MME: variants seen among roughly 807,000 people sequenced by gnomAD.
The protein encoded by MME is neprilysin.
A neutral mutation model predicts 113.2 loss-of-function variants in MME; 98 were observed. The observed-to-expected ratio is 0.87, with a 90% CI of 0.74 to 1.02. The LOEUF is 1.02. MME is among the 50% of genes least tolerant of loss of function. The pLI is 0.00. For synonymous variants in MME, 292 were observed against 300.6 expected (o/e 0.97, Z 0.30); for missense variants, 836 against 896.0 (o/e 0.93, Z 0.86).
chr3:155,085,219 C>T (rs560656440), intron 3 of MME, 125 bp downstream of exon 3: 2 of 590,640 alleles, frequency 3.4e-6, no homozygotes, highest in Admixed American at 3.2e-5. Flanking sequence ...ATGTGTCTGG[C>T]TCTATAATCA....
At chr3:155,174,129 A>G (rs1712267028) in intron 22 of MME, among the ~76,000 whole-genome samples, 1 of 152,106 alleles carries the variant, frequency 6.6e-6, no homozygotes, top group Non-Finnish European at 1.5e-5. Flanking sequence ...TATGTTCTGC[A>G]CATTTCAGAA....
chr3:155,154,117 G>T (rs945343039), intron 16 of MME, among the ~76,000 whole-genome samples: 1 of 152,130 alleles, frequency 6.6e-6, no homozygotes, highest in African/African-American at 2.4e-5. Context: ...GAGGTGAGCA[G>T]AGGATTCACA....
At chr3:155,040,938 A>G (rs564893319) in intron 1 of MME, among the ~76,000 whole-genome samples, 3 of 152,328 alleles carry the variant, frequency 2.0e-5, no homozygotes, top group African/African-American at 7.2e-5. Flanking sequence ...CATTAGAGAA[A>G]ATCTGTCACT....
At chr3:155,132,200 A>T (rs369836879) in intron 8 of MME, among the ~76,000 whole-genome samples, 1 of 152,334 alleles carries the variant, frequency 6.6e-6, no homozygotes, top group East Asian at 1.9e-4. Flanking sequence ...ATTGTCATTC[A>T]TTAGGAATGA....
At chr3:155,093,315 A>T (rs1488893513) in intron 3 of MME, among the ~76,000 whole-genome samples, 1 of 151,238 alleles carries the variant, frequency 6.6e-6, no homozygotes, top group African/African-American at 2.4e-5. Flanking sequence ...AAGTCTCTGG[A>T]AATAGTAAAT....
At chr3:155,158,831 C>T (rs567564170) in intron 16 of MME, 162 of 151,982 alleles carry the variant, frequency 1.1e-3, no homozygotes, top group African/African-American at 3.6e-3. Flanking sequence ...ATACTGATGA[C>T]TCGGCTGTAA....
At position 155,116,905 on chromosome 3, in the gene MME, GA is replaced by G; in HGVS notation, c.575del (p.Asn192IlefsTer22). On this transcript the variant is annotated frameshift_variant, in exon 7 of 23. Coordinates refer to ENST00000360490, the MANE Select transcript of MME (RefSeq NM_007289.4). LOFTEE classifies it high-confidence loss of function. The part of the protein sequence containing the change: ...WTAEKAIAQL[N>X]SKYGKKVLIN... ...CAGCTGAAAAAGCTATTGCACAACT[GA>G]ATTCTAAATATGGGAAAAAAGTCCT... 1 of 1,612,438 alleles carries G rather than the reference GA, an allele frequency of 6.2e-7. No homozygotes were observed. Among genetic ancestry groups the G allele is most frequent in the Non-Finnish European group, 8.5e-7 (1 of 1,178,824 alleles).
intron 8 of MME, among the ~76,000 whole-genome samples, chr3:155,137,338 A>T (rs1389876920): frequency 6.6e-6 from 1 of 152,212 alleles, no homozygotes; most frequent in East Asian, 1.9e-4. Flanking sequence ...AAGTGTGATT[A>T]TATTATATGA....
rs748733749 is a variant in MME at position 155,160,379 on chromosome 3, G to C, written c.1602-11G>C. ...AGTATCATTTGTAAAGAGTTCTTAT[G>C]TTTTCTACAGGTGGATAAGTGGAGC... On this transcript the variant is annotated splice_polypyrimidine_tract_variant and intron_variant, in intron 16 of 22. Transcript: ENST00000360490. 1 of 1,596,414 alleles carries C rather than the reference G, an allele frequency of 6.3e-7. No homozygotes were observed. Among genetic ancestry groups the C allele is most frequent in the East Asian group, 2.2e-5 (1 of 44,686 alleles).
intron 3 of MME, among the ~76,000 whole-genome samples, chr3:155,100,334 A>T (rs949732470): frequency 6.6e-6 from 1 of 152,098 alleles, no homozygotes; most frequent in East Asian, 1.9e-4. Context: ...GAGAAATGCA[A>T]ATCAAAACCA....
At chr3:155,172,029 A>T in intron 20 of MME, 88 bp from the exon 21 acceptor site, 1 of 775,170 alleles carries the variant, frequency 1.3e-6, no homozygotes, top group Non-Finnish European at 2.2e-6. Context: ...ATAAAATGTT[A>T]ATTACTTGGT....
chr3:155,170,862 G>A (rs1351034775), intron 20 of MME, among the ~76,000 whole-genome samples: 2 of 152,054 alleles, frequency 1.3e-5, no homozygotes, highest in Admixed American at 6.6e-5. Flanking sequence ...CAGCAGTCAT[G>A]GGACTCACTG....
At chr3:155,079,267 A>T (rs1161618705), upstream of MME, among the ~76,000 whole-genome samples, 2 of 152,086 alleles carry the variant, frequency 1.3e-5, no homozygotes, top group African/African-American at 4.8e-5. Context: ...GCTTGGATTC[A>T]GGGAGGAAAG....
At chr3:155,108,955 C>T (rs923379707) in intron 3 of MME, among the ~76,000 whole-genome samples, 1 of 152,104 alleles carries the variant, frequency 6.6e-6, no homozygotes, top group Non-Finnish European at 1.5e-5. Flanking sequence ...CTTAAGGTTG[C>T]GTCTTCTTAA....
At chr3:155,028,856 G>A (rs1433006427) in intron 1 of MME, among the ~76,000 whole-genome samples, 1 of 152,104 alleles carries the variant, frequency 6.6e-6, no homozygotes, top group African/African-American at 2.4e-5. Flanking sequence ...TTACAAGTTA[G>A]TTTGGGCTAC....
chr3:155,054,234 TTAATCGTTTTTA>T (rs1161497478), intron 1 of MME, among the ~76,000 whole-genome samples: 1 of 152,194 alleles, frequency 6.6e-6, no homozygotes, highest in African/African-American at 2.4e-5. Context: ...GTTTCCTTCT[TTAATCGTTTTTA>T]TTTTAGTGCT....
At chr3:155,117,200 T>C (rs1017902061) in intron 7 of MME, among the ~76,000 whole-genome samples, 1 of 152,222 alleles carries the variant, frequency 6.6e-6, no homozygotes, top group African/African-American at 2.4e-5. Context: ...TTGCTTCTGC[T>C]ACCTCTGTTT....
At chr3:155,105,066 GAA>G (rs1026104293) in intron 3 of MME, among the ~76,000 whole-genome samples, 1 of 152,070 alleles carries the variant, frequency 6.6e-6, no homozygotes, top group African/African-American at 2.4e-5. Context: ...ATCCCTACTG[GAA>G]AATAATTGCC....
rs35926730 is a variant in MME at position 155,085,060 on chromosome 3, T to C, written c.162T>C (p.Asp54=). The change falls in exon 3 of 23, where the codon GAT becomes GAC. Residue 54 remains aspartate (D), a splice_region_variant and synonymous_variant. Transcript: ENST00000360490. ...TMIALYATYD[D]GICKSSDCIK... Reference sequence around the variant, plus strand: ...ATGTATATTCTCTCCTTTTTCTAGATGGTATTTGCAAGTCATCAGACTGCA... The same window carrying C: ...ATGTATATTCTCTCCTTTTTCTAGACGGTATTTGCAAGTCATCAGACTGCA... The C allele has an allele frequency of 1.3e-6, 2 of 1,587,146 alleles. No homozygotes were observed. Among genetic ancestry groups the C allele is most frequent in the Middle Eastern group, 1.7e-4 (1 of 5,974 alleles).
Sources: allele counts gnomAD v4.1 joint callset (sites outside exome capture counted in the v4.1 genomes callset), GRCh38; gene constraint gnomAD v4.1.1; transcripts MANE v1.5; gene names NCBI Gene and HGNC (gene_info 2026-07-23, HGNC 2026-07-21).